The following WWC1 variants were observed in gnomAD, a reference collection of about 807,000 sequenced individuals.
The protein encoded by WWC1 is WW and C2 domain containing 1.
WWC1 carries 55 observed loss-of-function variants against 138.4 expected under a neutral mutation model. The ratio of observed to expected loss-of-function variants is 0.40; its 90% confidence interval spans 0.32 to 0.50. The LOEUF is 0.50. WWC1 is among the 20% of genes least tolerant of loss of function. The probability of loss-of-function intolerance (pLI) is 0.72; values close to 1 mark genes in which losing one functional copy is unlikely to be tolerated. For missense variants in WWC1, 1,226 were observed against 1,420.4 expected (o/e 0.86, Z 2.20); for synonymous variants, 524 against 564.9 (o/e 0.93, Z 1.03).
chr5:168,374,196 G>T (rs1776995516), intron 2 of WWC1, among the ~76,000 whole-genome samples: 1 of 152,128 alleles, frequency 6.6e-6, no homozygotes, highest in Non-Finnish European at 1.5e-5. Context: ...GTACAAAATG[G>T]CAAAGATCCT....
At chr5:168,336,571 CAAAAAAAAAA>C (rs57339649) in intron 1 of WWC1, among the ~76,000 whole-genome samples, 1 of 58,020 alleles carries the variant, frequency 1.7e-5, no homozygotes, top group Non-Finnish European at 3.7e-5. Flanking sequence ...GACTCTGTCT[CAAAAAAAAAA>C]AAAAAAAAAA....
At chr5:168,461,542 G>A (rs1192675454) in intron 20 of WWC1, among the ~76,000 whole-genome samples, 2 of 152,200 alleles carry the variant, frequency 1.3e-5, no homozygotes, top group Admixed American at 6.5e-5. Context: ...GGAAGAGGCT[G>A]CAGACTTGCC....
intron 3 of WWC1, among the ~76,000 whole-genome samples, chr5:168,393,336 A>T (rs1461026222): frequency 2.0e-5 from 3 of 152,176 alleles, no homozygotes; most frequent in Non-Finnish European, 4.4e-5. Context: ...AACTTCAAAC[A>T]CTGGGACAAT....
intron 15 of WWC1, among the ~76,000 whole-genome samples, chr5:168,441,291 G>A (rs1193506009): frequency 6.6e-6 from 1 of 152,192 alleles, no homozygotes; most frequent in African/African-American, 2.4e-5. Flanking sequence ...TTGTTGCTTA[G>A]TAAGTGTAGA....
chr5:168,405,526 C>A (rs765835867), intron 5 of WWC1, among the ~76,000 whole-genome samples: 2 of 152,164 alleles, frequency 1.3e-5, no homozygotes, highest in Non-Finnish European at 2.9e-5. Context: ...AATGTAACGA[C>A]TGCAGAGTCA....
At chr5:168,423,149 C>CAAAA (rs773855632) in intron 10 of WWC1, among the ~76,000 whole-genome samples, 12 of 71,298 alleles carry the variant, frequency 1.7e-4, no homozygotes, top group African/African-American at 5.5e-4. Flanking sequence ...CATCCCCCCC[C>CAAAA]AAAAAAAAAA....
chr5:168,326,619 A>G (rs983850764), intron 1 of WWC1, among the ~76,000 whole-genome samples: 1 of 151,472 alleles, frequency 6.6e-6, no homozygotes, highest in Admixed American at 6.6e-5. Context: ...GCTCACTGCA[A>G]CCTCCGCCTC....
At chr5:168,318,205 C>G (rs1032952735) in intron 1 of WWC1, among the ~76,000 whole-genome samples, 7 of 152,026 alleles carry the variant, frequency 4.6e-5, no homozygotes, top group Non-Finnish European at 8.8e-5. Context: ...GAAATGTTAC[C>G]AGCTCCCAAT....
In WWC1 at chr5:168,468,996, T is replaced by A; in HGVS notation, c.3321T>A (p.Ala1107=). 6.2e-7 allele frequency: 1 copy of A among 1,614,206 alleles called. No individual in the cohort carries two copies. Among genetic ancestry groups the A allele is most frequent in the Non-Finnish European group, 8.5e-7 (1 of 1,180,044 alleles). ...FFTRPRMNIP[A]LSADDV is the part of the protein sequence containing the mutation. Reference sequence around the variant, plus strand: ...CCCGGCCTCGGATGAATATCCCAGCTCTCTCTGCAGATGACGTCTAATCGC... The same window carrying A: ...CCCGGCCTCGGATGAATATCCCAGCACTCTCTGCAGATGACGTCTAATCGC... The change falls in exon 23 of 23, where the codon GCT becomes GCA. Residue 1107 remains alanine, a synonymous_variant. Transcript: ENST00000265293.
At chr5:168,416,315 G>A (rs1780648796) in intron 9 of WWC1, 1 of 152,216 alleles carries the variant, frequency 6.6e-6, no homozygotes, top group South Asian at 2.1e-4. Context: ...CAGTTGGTGG[G>A]AGAAGGAGAA....
chr5:168,414,379 C>T lies in WWC1; in HGVS notation c.973C>T (p.Leu325Phe), dbSNP rs986352874. Reference protein sequence around the residue: ...IANLKIQLAKLDSEAWPGVLD... With the variant: ...IANLKIQLAKFDSEAWPGVLD... ...CAACCTGAAGATCCAGCTGGCCAAG[C>T]TTGACAGTGAGGCCTGGCCTGGGGT... Residue 325 changes from leucine to phenylalanine, a missense_variant, in exon 9 of 23, where the codon CTT becomes TTT. Around this residue, in one of 3 missense-constraint regions of WWC1, gnomAD observed 1,016 missense variants for 1,153.9 expected, o/e 0.88. Coordinates refer to ENST00000265293, the MANE Select transcript of WWC1 (RefSeq NM_015238.3). 1 of 1,610,570 alleles carries T rather than the reference C, an allele frequency of 6.2e-7. No individual in the cohort carries two copies. Among genetic ancestry groups the T allele is most frequent in the Non-Finnish European group, 8.5e-7 (1 of 1,178,544 alleles).
At chr5:168,380,890 C>T (rs1777577113) in intron 2 of WWC1, among the ~76,000 whole-genome samples, 1 of 152,080 alleles carries the variant, frequency 6.6e-6, no homozygotes, top group Non-Finnish European at 1.5e-5. Context: ...AACCAAGGCC[C>T]TAAGAGCAAA....
intron 2 of WWC1, among the ~76,000 whole-genome samples, chr5:168,380,952 G>C (rs192048264): frequency 2.6e-5 from 4 of 152,276 alleles, no homozygotes; most frequent in Admixed American, 2.0e-4. Flanking sequence ...AACTGGGAGA[G>C]GGGGTGAGTA....
chr5:168,455,034 A>G (rs1756180197), intron 18 of WWC1, among the ~76,000 whole-genome samples: 1 of 152,160 alleles, frequency 6.6e-6, no homozygotes, highest in Non-Finnish European at 1.5e-5. Context: ...GGAGTGTGAC[A>G]TCCAGGTTGT....
At chr5:168,311,826 G>A (rs539246073) in intron 1 of WWC1, among the ~76,000 whole-genome samples, 19 of 150,802 alleles carry the variant, frequency 1.3e-4, no homozygotes, top group African/African-American at 3.9e-4. Flanking sequence ...GCAGTAAGCC[G>A]AGATTGTGCC....
rs1191682122 is a variant in WWC1, at chr5:168,321,739, GT to G, written c.119+29470del. Among the ~76,000 whole-genome samples, 10 of 152,218 alleles carry G rather than the reference GT, an allele frequency of 6.6e-5. No individual in the cohort carries two copies. The South Asian group carries it at 2.1e-3, about 32-fold the overall frequency. The stretch of plus-strand genomic sequence containing the variant: ...TTTAGTAGAGACAGGGTTTCTCCAT[GT>G]TGGTCAAGCTGGTCTCAAACTCCCG... On this transcript the variant is annotated intron_variant, in intron 1 of 22. Transcript: ENST00000265293.
In WWC1 at chr5:168,441,638, C is replaced by T. The variant is rs748454181; in HGVS notation, c.2281-44C>T. On this transcript the variant is annotated intron_variant, in intron 15 of 22. Transcript: ENST00000265293. Reference sequence around the variant, plus strand: ...ACCAAATTCCCTGACACCTGGTGTCCCCCCCACCGCCACTTATGTTCTCCT... The same window carrying T: ...ACCAAATTCCCTGACACCTGGTGTCTCCCCCACCGCCACTTATGTTCTCCT... 11 of 1,594,354 alleles carry T rather than the reference C, an allele frequency of 6.9e-6. No individual in the cohort carries two copies. The Admixed American group carries it at 1.4e-4, about 20-fold the overall frequency.
intron 13 of WWC1, among the ~76,000 whole-genome samples, chr5:168,429,925 C>A (rs756221291): frequency 7.9e-5 from 12 of 152,066 alleles, no homozygotes; most frequent in Admixed American, 2.0e-4. Context: ...CAGAGTGAGA[C>A]CCTGTTTCAA....
chr5:168,413,356 T>A (rs2152842777), intron 8 of WWC1, among the ~76,000 whole-genome samples: 1 of 152,362 alleles, frequency 6.6e-6, no homozygotes, highest in Non-Finnish European at 1.5e-5. Flanking sequence ...ATTGTTATAC[T>A]GTGGATCTTA....
Sources: gnomAD v4.1 joint callset for allele counts (sites outside exome capture counted in the v4.1 genomes callset) on GRCh38, gnomAD v4.1.1 for gene constraint, gnomAD v4.1.1 regional missense constraint, MANE v1.5 for transcripts, NCBI Gene and HGNC (gene_info 2026-07-23, HGNC 2026-07-21) for gene names.